CNTN5: variants seen among roughly 807,000 people sequenced by gnomAD.
CNTN5 encodes contactin-5.
In CNTN5, 77 loss-of-function variants were observed where a neutral mutation model predicts 129.1. That is an observed-to-expected ratio of 0.60 (90% CI 0.50 to 0.72). The LOEUF is 0.72. CNTN5 is among the 30% of genes least tolerant of loss of function. The probability of loss-of-function intolerance (pLI) is 0.00; values close to 1 mark genes in which losing one functional copy is unlikely to be tolerated. For synonymous variants in CNTN5, 509 were observed against 465.6 expected (o/e 1.09, Z -1.20); for missense variants, 1,478 against 1,328.8 (o/e 1.11, Z -1.75).
chr11:100,076,954 G>C (rs1944155501), intron 13 of CNTN5, among the ~76,000 whole-genome samples: 1 of 152,080 alleles, frequency 6.6e-6, no homozygotes, highest in Non-Finnish European at 1.5e-5. Context: ...AAGAGGCTAA[G>C]ATTTCAACAG....
intron 3 of CNTN5, among the ~76,000 whole-genome samples, chr11:99,689,568 C>G (rs1458107059): frequency 6.8e-6 from 1 of 147,616 alleles, no homozygotes; most frequent in East Asian, 2.0e-4. Context: ...TCCTTTCTCT[C>G]CACAACCTCA....
intron 21 of CNTN5, among the ~76,000 whole-genome samples, chr11:100,338,172 C>G (rs1412108521): frequency 6.6e-6 from 1 of 152,226 alleles, no homozygotes; most frequent in African/African-American, 2.4e-5. Flanking sequence ...CAATTTGTAA[C>G]TTCCTTCTTC....
Position 99,271,396 on chromosome 11 carries a change from A to T in CNTN5, c.-209-53950A>T, listed in dbSNP as rs575694376. 4.6e-5 allele frequency among the ~76,000 whole-genome samples: 7 copies of T among 151,940 alleles called. No homozygotes were observed. The East Asian group carries it at 1.2e-3, about 25-fold the overall frequency. On this transcript the variant is annotated intron_variant, in intron 1 of 24. Coordinates refer to ENST00000524871, the MANE Select transcript of CNTN5 (RefSeq NM_014361.4). ...GTTGTAAAACATCTGAAACTATTTT[A>T]TTTATGGGATGGGGAAATACACTTT... is the stretch of plus-strand genomic sequence containing the variant.
At chr11:99,930,780 T>C (rs1300402265) in intron 7 of CNTN5, among the ~76,000 whole-genome samples, 2 of 88,026 alleles carry the variant, frequency 2.3e-5, no homozygotes, top group Admixed American at 2.9e-4. Flanking sequence ...TAGATAAAAA[T>C]AAACACATAC....
intron 3 of CNTN5, among the ~76,000 whole-genome samples, chr11:99,654,606 AGAAT>A (rs1158124653): frequency 3.3e-5 from 5 of 152,088 alleles, no homozygotes; most frequent in Admixed American, 2.0e-4. Flanking sequence ...TGGGTGAGAA[AGAAT>A]GAAGACCTGA....
intron 1 of CNTN5, among the ~76,000 whole-genome samples, chr11:99,132,575 T>A (rs11218512): frequency 0.39 from 59,387 of 151,928 alleles, 12,054 homozygotes; most frequent in South Asian, 0.46. Context: ...ACACAATCAA[T>A]GTGCAGAAAT....
intron 1 of CNTN5, among the ~76,000 whole-genome samples, chr11:99,151,293 C>A (rs1860043870): frequency 6.6e-6 from 1 of 151,876 alleles, no homozygotes; most frequent in Non-Finnish European, 1.5e-5. Context: ...TGTGTGCATG[C>A]ACTCTTGTGT....
chr11:99,243,568 T>A (rs924807809), intron 1 of CNTN5, among the ~76,000 whole-genome samples: 1 of 152,058 alleles, frequency 6.6e-6, no homozygotes, highest in Non-Finnish European at 1.5e-5. Flanking sequence ...TTCCTAAGAT[T>A]TTCTTCTAGG....
chr11:100,069,431 A>G (rs1943819814), intron 10 of CNTN5, among the ~76,000 whole-genome samples: 1 of 152,090 alleles, frequency 6.6e-6, no homozygotes, highest in Non-Finnish European at 1.5e-5. Flanking sequence ...CTGATATGAC[A>G]AGCATGAGCA....
intron 3 of CNTN5, among the ~76,000 whole-genome samples, chr11:99,670,672 C>G (rs10790879): frequency 0.24 from 35,998 of 152,008 alleles, 4,642 homozygotes; most frequent in East Asian, 0.46. Context: ...GGAGATCCCA[C>G]AAATGTATCA....
chr11:99,369,529 TA>T (rs1370671888), intron 2 of CNTN5, among the ~76,000 whole-genome samples: 1 of 151,770 alleles, frequency 6.6e-6, no homozygotes, highest in African/African-American at 2.4e-5. Context: ...GATATAATTG[TA>T]AGATACTCTC....
At chr11:99,588,477 G>C (rs1036872230) in intron 3 of CNTN5, among the ~76,000 whole-genome samples, 34 of 151,840 alleles carry the variant, frequency 2.2e-4, no homozygotes, top group African/African-American at 8.0e-4. Context: ...AAAAGAAATT[G>C]TTCATGGGTA....
At chr11:99,887,817 C>T (rs1056776407) in intron 6 of CNTN5, among the ~76,000 whole-genome samples, 2 of 152,200 alleles carry the variant, frequency 1.3e-5, no homozygotes, top group Admixed American at 1.3e-4. Flanking sequence ...CCAGCTTCTT[C>T]CGCCTACTTC....
chr11:100,068,170 T>G (rs1943767383), intron 10 of CNTN5, among the ~76,000 whole-genome samples: 1 of 152,078 alleles, frequency 6.6e-6, no homozygotes, highest in Non-Finnish European at 1.5e-5. Context: ...TAACATTAAG[T>G]TTAGAATCAT....
chr11:99,571,115 C>T (rs1248882417), intron 3 of CNTN5, among the ~76,000 whole-genome samples: 1 of 152,140 alleles, frequency 6.6e-6, no homozygotes, highest in East Asian at 1.9e-4. Context: ...CACGTAAAGG[C>T]AGCCTGCTTT....
intron 2 of CNTN5, among the ~76,000 whole-genome samples, chr11:99,435,235 A>C (rs1943553663): frequency 6.6e-6 from 1 of 152,170 alleles, no homozygotes; most frequent in East Asian, 1.9e-4. Flanking sequence ...TGTAGATGAG[A>C]AGTACATTTT....
At chr11:99,515,014 C>A (rs1946993073) in intron 2 of CNTN5, among the ~76,000 whole-genome samples, 1 of 151,884 alleles carries the variant, frequency 6.6e-6, no homozygotes, top group Admixed American at 6.6e-5. Flanking sequence ...GTAAAAATGT[C>A]TAAATGAAAT....
At chr11:99,229,386 T>C (rs1229982001) in intron 1 of CNTN5, among the ~76,000 whole-genome samples, 1 of 152,140 alleles carries the variant, frequency 6.6e-6, no homozygotes, top group African/African-American at 2.4e-5. Flanking sequence ...TGTATATAAA[T>C]GATTGCTGTA....
intron 9 of CNTN5, among the ~76,000 whole-genome samples, chr11:100,039,518 C>G (rs756128341): frequency 1.3e-4 from 20 of 152,148 alleles, no homozygotes; most frequent in Non-Finnish European, 2.9e-4. Flanking sequence ...GTTGGCCTGC[C>G]TTGCTAGATT....
Sources: allele counts gnomAD v4.1 joint callset (sites outside exome capture counted in the v4.1 genomes callset), GRCh38; gene constraint gnomAD v4.1.1; transcripts MANE v1.5; gene names NCBI Gene and HGNC (gene_info 2026-07-23, HGNC 2026-07-21).